Variants in NBAS observed in about 807,000 individuals in gnomAD.
NBAS encodes the protein NBAS subunit of NRZ tethering complex, also known as NAG/BC035112 fusion.
NBAS carries 219 observed loss-of-function variants against 302.5 expected under a neutral mutation model. The observed-to-expected ratio is 0.72, with a 90% CI of 0.65 to 0.81. The LOEUF is 0.81. NBAS is among the 30% of genes least tolerant of loss of function. NBAS has a pLI of 0.00. For synonymous variants in NBAS, 1,118 were observed against 1,021.6 expected (o/e 1.09, Z -1.80); for missense variants, 2,932 against 2,841.6 (o/e 1.03, Z -0.72).
the NBAS span, among the ~76,000 whole-genome samples, chr2:14,942,262 T>A: frequency 6.6e-6 from 1 of 152,144 alleles, no homozygotes; most frequent in Non-Finnish European, 1.5e-5. Context: ...CCAAATCTCG[T>A]GTCAAATAGT....
chr2:15,255,292 T>C (rs1158121108), intron 44 of NBAS, among the ~76,000 whole-genome samples: 1 of 152,244 alleles, frequency 6.6e-6, no homozygotes, highest in Admixed American at 6.5e-5. Context: ...CATTGTAGTT[T>C]TGATTTGCAT....
intron 32 of NBAS, among the ~76,000 whole-genome samples, chr2:15,364,445 C>T (rs780136710): frequency 2.6e-5 from 4 of 151,944 alleles, no homozygotes; most frequent in Non-Finnish European, 5.9e-5. Context: ...GCAGGAGACT[C>T]GCTTGAATCT....
At chr2:15,044,306 T>C in the NBAS span, among the ~76,000 whole-genome samples, 1 of 152,194 alleles carries the variant, frequency 6.6e-6, no homozygotes, top group African/African-American at 2.4e-5. Context: ...TTCTCTCACA[T>C]TGATAAAGAA....
intron 28 of NBAS, among the ~76,000 whole-genome samples, chr2:15,386,786 C>T (rs1240893162): frequency 6.6e-6 from 1 of 152,154 alleles, no homozygotes; most frequent in Non-Finnish European, 1.5e-5. Flanking sequence ...AAATGTCTTT[C>T]AACTCTGTTG....
chr2:14,870,430 G>A, the NBAS span, among the ~76,000 whole-genome samples: 1 of 152,214 alleles, frequency 6.6e-6, no homozygotes, highest in African/African-American at 2.4e-5. Context: ...AGGACTTACA[G>A]GGATTAGGGA....
At chr2:15,475,652 A>G (rs374570267) in intron 14 of NBAS, 35 bp downstream of exon 14, 6 of 1,601,706 alleles carry the variant, frequency 3.7e-6, no homozygotes, top group Admixed American at 1.7e-5. Flanking sequence ...GGTTAAATAC[A>G]TAACTATTCT....
the NBAS span, among the ~76,000 whole-genome samples, chr2:14,907,421 C>T: frequency 6.6e-6 from 1 of 152,226 alleles, no homozygotes; most frequent in East Asian, 1.9e-4. Flanking sequence ...TTGTGCAACA[C>T]CAGAGAGAAC....
intron 42 of NBAS, among the ~76,000 whole-genome samples, chr2:15,279,758 T>C (rs1424587829): frequency 1.3e-5 from 2 of 152,168 alleles, no homozygotes; most frequent in South Asian, 2.1e-4. Context: ...AACCTCCCTT[T>C]TCAGTAAATT....
intron 21 of NBAS, among the ~76,000 whole-genome samples, chr2:15,438,563 G>A (rs983136128): frequency 1.3e-5 from 2 of 152,146 alleles, no homozygotes; most frequent in Non-Finnish European, 2.9e-5. Flanking sequence ...GCAGGATAAC[G>A]ACACTAAGGG....
At position 15,319,415 on chromosome 2, in the gene NBAS, G is replaced by GA. The variant is rs1285581743; in HGVS notation, c.4582+8334dup. On this transcript the variant is annotated intron_variant, in intron 38 of 51. Coordinates refer to ENST00000281513, the MANE Select transcript of NBAS (RefSeq NM_015909.4). Reference sequence around the variant, plus strand: ...CTAAGATCAGAGCAGAACTGAAGGAGATAGAGACACAAAAAACCATTCAAA... The same window carrying GA: ...CTAAGATCAGAGCAGAACTGAAGGAGAATAGAGACACAAAAAACCATTCAAA... 2.0e-5 allele frequency among the ~76,000 whole-genome samples: 3 copies of GA among 151,898 alleles called. No homozygotes were observed. The Admixed American group carries it at 2.0e-4, about 10-fold the overall frequency.
At chr2:15,415,058 A>G (rs1676860498) in intron 25 of NBAS, among the ~76,000 whole-genome samples, 2 of 152,242 alleles carry the variant, frequency 1.3e-5, no homozygotes, top group African/African-American at 2.4e-5. Context: ...GTGGTAGGAG[A>G]AAGTGTACTG....
chr2:14,920,789 T>C, the NBAS span, among the ~76,000 whole-genome samples: 1 of 152,212 alleles, frequency 6.6e-6, no homozygotes, highest in South Asian at 2.1e-4. Context: ...CTTCATAGAA[T>C]TAAATTAGGA....
chr2:14,909,365 C>CAAAAAAAAAAAAAAAAA, the NBAS span, among the ~76,000 whole-genome samples: 2 of 50,130 alleles, frequency 4.0e-5, no homozygotes, highest in African/African-American at 1.5e-4. Flanking sequence ...GGGAGAGTTT[C>CAAAAAAAAAAAAAAAAA]TAAAAAAAAA....
intron 50 of NBAS, chr2:15,180,368 C>T (rs1208024886): frequency 1.3e-5 from 2 of 152,184 alleles, no homozygotes; most frequent in Non-Finnish European, 2.9e-5. Flanking sequence ...AAACACATTC[C>T]TCATACATCG....
At chr2:15,404,113 C>T (rs1195858435) in intron 25 of NBAS, among the ~76,000 whole-genome samples, 1 of 152,036 alleles carries the variant, frequency 6.6e-6, no homozygotes, top group African/African-American at 2.4e-5. Context: ...ATCGTCATAA[C>T]AATCCTATAA....
At chr2:14,971,595 C>T in the NBAS span, among the ~76,000 whole-genome samples, 1 of 152,160 alleles carries the variant, frequency 6.6e-6, no homozygotes, top group South Asian at 2.1e-4. Context: ...TTTTCTTCCA[C>T]CACCACCATC....
the NBAS span, among the ~76,000 whole-genome samples, chr2:15,030,372 A>G: frequency 0.12 from 18,012 of 152,204 alleles, 1,485 homozygotes; most frequent in Non-Finnish European, 0.17. Context: ...ATGTATGGTT[A>G]AATTATTGGA....
chr2:14,886,585 T>C, the NBAS span: 1 of 152,224 alleles, frequency 6.6e-6, no homozygotes, highest in Non-Finnish European at 1.5e-5. Context: ...CATAGGTATA[T>C]GTGAGATGAA....
chr2:15,157,101 C>T, the NBAS span, among the ~76,000 whole-genome samples: 1 of 152,222 alleles, frequency 6.6e-6, no homozygotes, highest in African/African-American at 2.4e-5. Flanking sequence ...TAGTTAAGAA[C>T]TCTGCTCTAA....
Sources: allele counts gnomAD v4.1 joint callset (sites outside exome capture counted in the v4.1 genomes callset), GRCh38; gene constraint gnomAD v4.1.1; transcripts MANE v1.5; gene names NCBI Gene and HGNC (gene_info 2026-07-23, HGNC 2026-07-21).